The following EPB41L4A variants were observed in gnomAD, a reference collection of about 807,000 sequenced individuals.
The protein encoded by EPB41L4A is band 4.1-like protein 4A.
A neutral mutation model predicts 108.6 loss-of-function variants in EPB41L4A; 100 were observed. The ratio of observed to expected loss-of-function variants is 0.92; its 90% CI spans 0.78 to 1.09. EPB41L4A has a LOEUF of 1.09. Ranked by LOEUF, EPB41L4A falls within the 50% of genes least tolerant of loss-of-function variation. EPB41L4A has a pLI of 0.00. For synonymous variants in EPB41L4A, 319 were observed against 289.0 expected (o/e 1.10, Z -1.05); for missense variants, 1,030 against 842.7 (o/e 1.22, Z -2.75).
At chr5:112,171,107 C>A (rs1320022923) in intron 18 of EPB41L4A, 115 bp from the exon 19 acceptor site, 17 of 879,168 alleles carry the variant, frequency 1.9e-5, no homozygotes, top group Non-Finnish European at 2.9e-5. Flanking sequence ...TGAGAACAGA[C>A]AAGGAAAGAC....
intron 1 of EPB41L4A, among the ~76,000 whole-genome samples, chr5:112,329,802 C>T (rs1015343227): frequency 1.3e-5 from 2 of 151,934 alleles, no homozygotes; most frequent in East Asian, 3.9e-4. Flanking sequence ...TTCAGCACCC[C>T]ACCCCCTCTT....
At chr5:112,303,155 A>G (rs1225275733) in intron 2 of EPB41L4A, among the ~76,000 whole-genome samples, 1 of 152,142 alleles carries the variant, frequency 6.6e-6, no homozygotes, top group Non-Finnish European at 1.5e-5. Context: ...TACATATTTT[A>G]TCAGTCATTA....
At chr5:112,185,885 C>G (rs902535707) in intron 17 of EPB41L4A, among the ~76,000 whole-genome samples, 10 of 152,118 alleles carry the variant, frequency 6.6e-5, no homozygotes, top group Admixed American at 6.5e-4. Context: ...AGAACCTACA[C>G]CTAAAAGCCA....
intron 1 of EPB41L4A, among the ~76,000 whole-genome samples, chr5:112,315,216 C>T (rs538754775): frequency 2.6e-5 from 4 of 152,304 alleles, no homozygotes; most frequent in South Asian, 4.1e-4. Flanking sequence ...ATGACCTCTC[C>T]CTCCATTGAA....
chr5:112,159,778 G>A (rs548489135), downstream of EPB41L4A, among the ~76,000 whole-genome samples: 7 of 151,750 alleles, frequency 4.6e-5, no homozygotes, highest in Non-Finnish European at 7.4e-5. Context: ...AATATACACC[G>A]GATTTTTATG....
chr5:112,200,832 A>C (rs532870346), intron 15 of EPB41L4A, among the ~76,000 whole-genome samples: 1 of 152,344 alleles, frequency 6.6e-6, no homozygotes, highest in Admixed American at 6.5e-5. Context: ...AGTACCACCC[A>C]AAAAGGTTAA....
intron 1 of EPB41L4A, among the ~76,000 whole-genome samples, chr5:112,315,815 T>C (rs909256292): frequency 4.6e-5 from 7 of 151,956 alleles, no homozygotes; most frequent in African/African-American, 1.7e-4. Context: ...TGATTTTCCA[T>C]CATCAAAAAA....
intron 1 of EPB41L4A, among the ~76,000 whole-genome samples, chr5:112,329,372 G>C (rs560829937): frequency 6.6e-6 from 1 of 152,264 alleles, no homozygotes; most frequent in Non-Finnish European, 1.5e-5. Context: ...GAACACAACT[G>C]CTGATAGCTG....
intron 17 of EPB41L4A, among the ~76,000 whole-genome samples, chr5:112,188,520 C>G (rs1279338626): frequency 6.6e-6 from 1 of 152,182 alleles, no homozygotes; most frequent in African/African-American, 2.4e-5. Context: ...GTTGCTGCGG[C>G]TTTGTCCTTC....
Position 112,301,689 on chromosome 5 carries a change from G to C in EPB41L4A, c.204+5697C>G, listed in dbSNP as rs183326657. On this transcript the variant is annotated intron_variant, in intron 2 of 22. Transcript: ENST00000261486. ...CACACTGCACGATCCGTCCGAGTGG[G>C]AACTGCAATCTAGTCCTGCCCCCTG... 1.6e-3 allele frequency among the ~76,000 whole-genome samples: 236 copies of C among 152,210 alleles called. 3 individuals are homozygous for C. The highest frequency in any genetic ancestry group is 5.5e-3 in the African/African-American group (228 of 41,544).
chr5:112,397,926 C>G (rs1432628604), intron 1 of EPB41L4A, among the ~76,000 whole-genome samples: 1 of 152,162 alleles, frequency 6.6e-6, no homozygotes, highest in Non-Finnish European at 1.5e-5. Flanking sequence ...GTGCAGCCTG[C>G]CTAGAAAACA....
chr5:112,253,787 T>C (rs1750862463), intron 9 of EPB41L4A, among the ~76,000 whole-genome samples: 1 of 152,214 alleles, frequency 6.6e-6, no homozygotes, highest in Admixed American at 6.5e-5. Flanking sequence ...AGTAAATGAA[T>C]ATGTTCTTCG....
chr5:112,209,822 CT>C, intron 13 of EPB41L4A, 69 bp downstream of exon 13: 1 of 893,448 alleles, frequency 1.1e-6, no homozygotes, highest in Non-Finnish European at 1.8e-6. Context: ...GATTTTTAAC[CT>C]TGTCTACAGA....
intron 12 of EPB41L4A, among the ~76,000 whole-genome samples, chr5:112,218,510 C>A (rs1747813328): frequency 6.6e-6 from 1 of 152,184 alleles, no homozygotes. Flanking sequence ...CAAACATTCT[C>A]CAGCCATCTC....
intron 1 of EPB41L4A, among the ~76,000 whole-genome samples, chr5:112,404,585 G>T (rs547340421): frequency 6.6e-6 from 1 of 152,192 alleles, no homozygotes; most frequent in South Asian, 2.1e-4. Flanking sequence ...GGAAATGAAG[G>T]AGCTGGAAGC....
chr5:112,317,633 T>C (rs544015632), intron 1 of EPB41L4A, among the ~76,000 whole-genome samples: 1 of 152,322 alleles, frequency 6.6e-6, no homozygotes, highest in South Asian at 2.1e-4. Flanking sequence ...TTTCTAGCGG[T>C]CACAGGGCAT....
At chr5:112,217,346 G>C (rs1312375555) in intron 12 of EPB41L4A, among the ~76,000 whole-genome samples, 1 of 152,188 alleles carries the variant, frequency 6.6e-6, no homozygotes, top group Non-Finnish European at 1.5e-5. Flanking sequence ...TGCATCCAAT[G>C]GCTAATTGTT....
intron 1 of EPB41L4A, among the ~76,000 whole-genome samples, chr5:112,411,248 G>A (rs563727569): frequency 6.6e-6 from 1 of 152,248 alleles, no homozygotes; most frequent in South Asian, 2.1e-4. Flanking sequence ...AGGTACAGAT[G>A]TGGAGTTTCA....
chr5:112,283,787 C>A (rs1228631122), intron 2 of EPB41L4A, among the ~76,000 whole-genome samples: 1 of 152,122 alleles, frequency 6.6e-6, no homozygotes, highest in Non-Finnish European at 1.5e-5. Context: ...AGGAGACACA[C>A]AGCCATGTAA....
Sources: allele counts gnomAD v4.1 joint callset (sites outside exome capture counted in the v4.1 genomes callset), GRCh38; gene constraint gnomAD v4.1.1; transcripts MANE v1.5; gene names NCBI Gene and HGNC (gene_info 2026-07-23, HGNC 2026-07-21).